The following PTPRT variants were observed in gnomAD, a reference collection of about 807,000 sequenced individuals.
PTPRT encodes the protein receptor-type tyrosine-protein phosphatase T.
A neutral mutation model predicts 176.8 loss-of-function variants in PTPRT; 56 were observed. The ratio of observed to expected loss-of-function variants is 0.32; its 90% CI spans 0.26 to 0.40. The LOEUF (loss-of-function observed/expected upper bound fraction) is 0.40. PTPRT is among the 10% of genes least tolerant of loss of function. The probability of loss-of-function intolerance (pLI) is 1.00; values close to 1 mark genes in which losing one functional copy is unlikely to be tolerated. For missense variants in PTPRT, 1,540 were observed against 1,908.2 expected (o/e 0.81, Z 3.60); for synonymous variants, 783 against 739.0 (o/e 1.06, Z -0.96).
At position 43,133,735 on chromosome 20, in the gene PTPRT, G is replaced by A. The variant is rs962825624; in HGVS notation, c.88+55911C>T. On this transcript the variant is annotated intron_variant, in intron 1 of 30. Transcript: ENST00000373187. ...TGCACTCCAGCCTGGGCAACAGAGCGAGACTCTGTCTCAAAAAAAAAAAAA... is the reference window on the plus strand; with the variant it reads ...TGCACTCCAGCCTGGGCAACAGAGCAAGACTCTGTCTCAAAAAAAAAAAAA... 5.3e-5 allele frequency among the ~76,000 whole-genome samples: 7 copies of A among 130,904 alleles called. No individual in the cohort carries two copies. The East Asian group carries it at 8.9e-4, about 17-fold the overall frequency. The allele number at this position is 130,904 out of a possible 152,430, so 85.9% of individuals were successfully genotyped here. A position where few individuals can be genotyped will look rare whatever the true frequency, so the allele number is the denominator to read the frequency against.
the PTPRT span, among the ~76,000 whole-genome samples, chr20:42,053,239 T>C: frequency 6.6e-6 from 1 of 152,174 alleles, no homozygotes; most frequent in African/African-American, 2.4e-5. Flanking sequence ...GTGGGATCCA[T>C]GAATCTGTAT....
intron 17 of PTPRT, among the ~76,000 whole-genome samples, chr20:42,155,889 A>G (rs1425339212): frequency 6.6e-6 from 1 of 152,202 alleles, no homozygotes; most frequent in African/African-American, 2.4e-5. Context: ...AATCTACTTT[A>G]GAAAGTCCTG....
At chr20:42,345,453 A>T (rs1173875867) in intron 11 of PTPRT, among the ~76,000 whole-genome samples, 3 of 148,606 alleles carry the variant, frequency 2.0e-5, no homozygotes, top group Non-Finnish European at 4.4e-5. Context: ...GTTACTATAG[A>T]TATACATATA....
intron 16 of PTPRT, among the ~76,000 whole-genome samples, chr20:42,184,541 C>CTCTTCTTCTTCTTCT (rs1385842092): frequency 0.045 from 4,152 of 91,538 alleles, 401 homozygotes; most frequent in Middle Eastern, 0.088. Context: ...CTTCCTCTTC[C>CTCTTCTTCTTCTTCT]TCTTCTTCTT....
chr20:43,144,098 G>A (rs1282162660), intron 1 of PTPRT, among the ~76,000 whole-genome samples: 3 of 152,156 alleles, frequency 2.0e-5, no homozygotes, highest in Non-Finnish European at 4.4e-5. Context: ...CCTTCTCAAT[G>A]CACAGATATC....
intron 7 of PTPRT, among the ~76,000 whole-genome samples, chr20:42,482,550 C>A (rs929394539): frequency 6.6e-6 from 1 of 152,030 alleles, no homozygotes; most frequent in Non-Finnish European, 1.5e-5. Context: ...CCCTCTGTGC[C>A]CTTATGGTGT....
intron 1 of PTPRT, among the ~76,000 whole-genome samples, chr20:43,088,522 C>T (rs1328068660): frequency 1.3e-5 from 2 of 152,106 alleles, no homozygotes; most frequent in Non-Finnish European, 2.9e-5. Context: ...GATTCAACTT[C>T]TAAACACCAT....
chr20:42,755,450 T>A, intron 6 of PTPRT, among the ~76,000 whole-genome samples: 1 of 152,178 alleles, frequency 6.6e-6, no homozygotes, highest in East Asian at 1.9e-4. Flanking sequence ...GCTAGCATAA[T>A]AAGAAAAGCT....
intron 1 of PTPRT, among the ~76,000 whole-genome samples, chr20:43,119,975 T>G (rs1160326132): frequency 6.6e-6 from 1 of 152,148 alleles, no homozygotes; most frequent in Non-Finnish European, 1.5e-5. Context: ...TTCTTTTGGT[T>G]TTTGTTGTTG....
At chr20:42,607,128 C>A (rs1452459983) in intron 7 of PTPRT, among the ~76,000 whole-genome samples, 3 of 152,052 alleles carry the variant, frequency 2.0e-5, no homozygotes, top group Non-Finnish European at 4.4e-5. Context: ...ACATGAGACA[C>A]TTAAGAGTAG....
intron 6 of PTPRT, among the ~76,000 whole-genome samples, chr20:42,748,160 T>C (rs1175018879): frequency 1.3e-5 from 2 of 152,206 alleles, no homozygotes; most frequent in Non-Finnish European, 2.9e-5. Context: ...ACAGATCATA[T>C]GACCTGGAAA....
intron 2 of PTPRT, among the ~76,000 whole-genome samples, chr20:42,850,367 T>C (rs145014412): frequency 2.6e-5 from 4 of 152,322 alleles, no homozygotes; most frequent in Non-Finnish European, 4.4e-5. Context: ...CTCCAATTAC[T>C]AACTCTGTCA....
chr20:42,645,832 G>A (rs2074883850), intron 7 of PTPRT, among the ~76,000 whole-genome samples: 1 of 151,442 alleles, frequency 6.6e-6, no homozygotes, highest in Non-Finnish European at 1.5e-5. Flanking sequence ...GAGAGAGGCA[G>A]AATAAATATC....
chr20:42,840,729 A>G lies in PTPRT; in HGVS notation c.214+45078T>C, dbSNP rs117823424. 7.0e-4 allele frequency among the ~76,000 whole-genome samples: 107 copies of G among 152,202 alleles called. No individual in the cohort carries two copies. In the Middle Eastern group the frequency reaches 0.017, roughly 24 times the overall value. On this transcript the variant is annotated intron_variant, in intron 2 of 30. Transcript: ENST00000373187. Reference sequence around the variant, plus strand: ...TGTCCAGCCATCACATCTTTTTTAGAGAGACACAATTCAACTCACAACAAT... The same window carrying G: ...TGTCCAGCCATCACATCTTTTTTAGGGAGACACAATTCAACTCACAACAAT...
At chr20:42,236,337 T>C (rs2056242256) in intron 14 of PTPRT, 79 bp from the exon 15 acceptor site, 1 of 1,218,736 alleles carries the variant, frequency 8.2e-7, no homozygotes. Flanking sequence ...AAGAATTAGA[T>C]TTTTAATGAA....
At chr20:42,203,655 A>G (rs6030048) in intron 15 of PTPRT, among the ~76,000 whole-genome samples, 144,966 of 152,282 alleles carry the variant, frequency 0.95, 69,235 homozygotes, top group Non-Finnish European at 0.99. Flanking sequence ...GTACATGTAT[A>G]AGTCTCTGCT....
chr20:42,543,195 T>G (rs553836482), intron 7 of PTPRT, among the ~76,000 whole-genome samples: 1 of 152,370 alleles, frequency 6.6e-6, no homozygotes, highest in East Asian at 1.9e-4. Context: ...TGAGATGCTC[T>G]TTGATTGACA....
chr20:42,274,434 G>C (rs2147017361), intron 13 of PTPRT, among the ~76,000 whole-genome samples: 1 of 152,236 alleles, frequency 6.6e-6, no homozygotes, highest in East Asian at 1.9e-4. Context: ...CAGTTGCTGA[G>C]GTAGAGGTCT....
chr20:42,352,352 T>C lies in PTPRT; in HGVS notation c.1561-67A>G, dbSNP rs184519474. 2,306 of 1,535,564 alleles carry C rather than the reference T, an allele frequency of 1.5e-3. 4 individuals are homozygous for C. The highest frequency in any genetic ancestry group is 1.9e-3 in the Non-Finnish European group (2,066 of 1,112,244). ...CACTCAGGAAGCTGGATGGAGCTCC[T>C]TTAGAGGAACCTTAGGGAGGCGGGG... is the stretch of plus-strand genomic sequence containing the variant. On this transcript the variant is annotated intron_variant, in intron 9 of 30. Coordinates refer to ENST00000373187, the MANE Select transcript of PTPRT (RefSeq NM_007050.6).
Sources: gnomAD v4.1 joint callset for allele counts (sites outside exome capture counted in the v4.1 genomes callset) on GRCh38, gnomAD v4.1.1 for gene constraint, MANE v1.5 for transcripts, NCBI Gene and HGNC (gene_info 2026-07-23, HGNC 2026-07-21) for gene names.